Variants in COL6A3 observed in about 807,000 individuals in gnomAD.
COL6A3 encodes the protein collagen alpha-3(VI) chain.
COL6A3 carries 137 observed loss-of-function variants against 274.1 expected under a neutral mutation model. The ratio of observed to expected loss-of-function variants is 0.50; its 90% confidence interval spans 0.44 to 0.58. The LOEUF (loss-of-function observed/expected upper bound fraction) is 0.58, where lower values mean the gene tolerates loss of function less well. Ranked by LOEUF, COL6A3 falls within the 20% of genes least tolerant of loss-of-function variation. The probability of loss-of-function intolerance (pLI) is 0.00; values close to 1 mark genes in which losing one functional copy is unlikely to be tolerated. For missense variants in COL6A3, 3,950 were observed against 4,124.9 expected, an observed-to-expected ratio of 0.96 and a Z score of 1.16; for synonymous variants, 1,650 against 1,650.6, an observed-to-expected ratio of 1.00 and a Z score of 0.01.
In COL6A3 at chr2:237,368,632, T is replaced by C. The variant is rs1168164012; in HGVS notation, c.4831A>G (p.Asn1611Asp). ...GTGGCTGCGGAGGGTCCAAACGAGT[T>C]CATGATTCTTTCTTCTATGTTGGGA... is the stretch of plus-strand genomic sequence containing the variant. ...ELPNIEERIMNSFGPSAATPA... is the reference protein window; with the variant it reads ...ELPNIEERIMDSFGPSAATPA... Residue 1611 changes from asparagine to aspartate, a missense_variant, in exon 10 of 44, where the codon AAC becomes GAC. Coordinates refer to ENST00000295550, the MANE Select transcript of COL6A3 (RefSeq NM_004369.4). This position sits in a 1 kb window ranked among gnomAD's most constrained non-coding sequence, Gnocchi z 4.4. 1.2e-6 allele frequency: 2 copies of C among 1,614,064 alleles called. No homozygotes were observed. The highest frequency in any genetic ancestry group is 2.2e-5 in the South Asian group (2 of 91,062).
At chr2:237,386,353 G>T (rs902686444) in intron 4 of COL6A3, 1 of 152,018 alleles carries the variant, frequency 6.6e-6, no homozygotes, top group Non-Finnish European at 1.5e-5. Context: ...TCTCCAAAAT[G>T]GTTATTTTTA....
intron 39 of COL6A3, among the ~76,000 whole-genome samples, chr2:237,337,075 G>T (rs932850117): frequency 6.6e-6 from 1 of 151,640 alleles, no homozygotes; most frequent in Non-Finnish European, 1.5e-5. Flanking sequence ...ACAATTTCTT[G>T]ATCTATTACC....
In COL6A3 at chr2:237,357,059, G is replaced by A. The variant is rs1421013549; in HGVS notation, c.6591+279C>T. 39 of 540,414 alleles carry A rather than the reference G, an allele frequency of 7.2e-5. 1 individual carries two copies. The South Asian group carries it at 8.4e-4, about 12-fold the overall frequency. The allele number at this position is 540,414 out of a possible 1,614,324, so 33.5% of individuals were successfully genotyped here. A position where few individuals can be genotyped will look rare whatever the true frequency, so the allele number is the denominator to read the frequency against. ...TTTGGGTCTCTTAAATATTTAGTTG[G>A]ATCAAACCTGGCCCGATATTTGAAA... On this transcript the variant is annotated intron_variant, in intron 23 of 43. Coordinates refer to ENST00000295550, the MANE Select transcript of COL6A3 (RefSeq NM_004369.4).
At chr2:237,389,617 T>C (rs1440438511) in intron 3 of COL6A3, among the ~76,000 whole-genome samples, 4 of 152,212 alleles carry the variant, frequency 2.6e-5, no homozygotes, top group Non-Finnish European at 4.4e-5. Context: ...CTAGTGAAAT[T>C]ACATTCTTAC....
chr2:237,363,749 C>G (rs978800865), intron 13 of COL6A3, among the ~76,000 whole-genome samples: 1 of 152,146 alleles, frequency 6.6e-6, no homozygotes, highest in Non-Finnish European at 1.5e-5. Flanking sequence ...TAATAGCAGC[C>G]TCATCTCCAT....
rs1456484078 is a variant in COL6A3 at position 237,374,649 on chromosome 2, C to T, written c.3442G>A (p.Val1148Met). ...VLTADRSGDD[V>M]RNPSVVVKRG... ...TTCACGACCACGGAGGGGTTCCGCA[C>T]ATCATCCCCAGACCTGTCGGCCGTG... The change falls in exon 8 of 44, where the codon GTG becomes ATG. Residue 1148 changes from valine to methionine, a missense_variant. Transcript: ENST00000295550. The surrounding 1 kb of genome is among the most constrained non-coding windows in gnomAD (Gnocchi z 4.8). 8 of 1,614,176 alleles carry T rather than the reference C, an allele frequency of 5.0e-6. No individual in the cohort carries two copies. The highest frequency in any genetic ancestry group is 6.8e-6 in the Non-Finnish European group (8 of 1,180,052).
At chr2:237,341,698 TG>T (rs2076993503) in intron 37 of COL6A3, among the ~76,000 whole-genome samples, 1 of 152,204 alleles carries the variant, frequency 6.6e-6, no homozygotes, top group Non-Finnish European at 1.5e-5. Flanking sequence ...TACCATGTGC[TG>T]GCATTTTTAA....
At chr2:237,338,907 AT>A in intron 39 of COL6A3, 107 bp downstream of exon 39, 1 of 812,392 alleles carries the variant, frequency 1.2e-6, no homozygotes, top group Non-Finnish European at 2.1e-6. Flanking sequence ...GGGAAGTCAC[AT>A]TTTCTGGATT....
chr2:237,345,968 C>T (rs2077090174), intron 32 of COL6A3, among the ~76,000 whole-genome samples: 1 of 152,064 alleles, frequency 6.6e-6, no homozygotes, highest in Non-Finnish European at 1.5e-5. Flanking sequence ...TATTGAGGGA[C>T]AATATATGGA....
chr2:237,369,082 T>C lies in COL6A3; in HGVS notation c.4381A>G (p.Arg1461Gly). The change falls in exon 10 of 44, where the codon AGG becomes GGG. Residue 1461 changes from arginine to glycine, a missense_variant. Arg to Gly is a moderately radical substitution (Grantham distance 125). Transcript: ENST00000295550. Reference sequence around the variant, plus strand: ...CCGATGTTGAGTCTTCGAACAATCCTGCTAACAAAATCTCGAATATGTGCA... The same window carrying C: ...CCGATGTTGAGTCTTCGAACAATCCCGCTAACAAAATCTCGAATATGTGCA... ...GFAHIRDFVS[R>G]IVRRLNIGPS... 1 of 1,614,228 alleles carries C rather than the reference T, an allele frequency of 6.2e-7. No individual in the cohort carries two copies. The highest frequency in any genetic ancestry group is 1.3e-5 in the African/African-American group (1 of 75,046).
intron 30 of COL6A3, 65 bp from the exon 31 acceptor site, chr2:237,347,934 G>C: frequency 6.9e-7 from 1 of 1,458,124 alleles, no homozygotes; most frequent in Non-Finnish European, 9.5e-7. Flanking sequence ...GAGGGTCCGT[G>C]GGGTAAGACA....
intron 32 of COL6A3, 116 bp from the exon 33 acceptor site, chr2:237,345,329 T>C (rs1444830750): frequency 1.7e-5 from 16 of 927,022 alleles, no homozygotes; most frequent in Non-Finnish European, 2.7e-5. Flanking sequence ...ATAACCTTGA[T>C]TGTTTACAGC....
In COL6A3 at chr2:237,396,915, T is replaced by C. The variant is rs1574761043; in HGVS notation, c.-30-68A>G. 1.8e-6 allele frequency: 2 copies of C among 1,083,676 alleles called. 1 individual carries two copies. Among genetic ancestry groups the C allele is most frequent in the East Asian group, 5.0e-5 (2 of 39,614 alleles). The allele number at this position is 1,083,676 out of a possible 1,614,324, so 67.1% of individuals were successfully genotyped here. The stretch of plus-strand genomic sequence containing the variant: ...TCTCATTATGCAAAATCTCTCAAAA[T>C]CCCATGCTTTCTACGTCCTTTTTAG... On this transcript the variant is annotated intron_variant, in intron 1 of 43. Coordinates refer to ENST00000295550, the MANE Select transcript of COL6A3 (RefSeq NM_004369.4).
rs902668335 is a variant in COL6A3, at chr2:237,364,038, G to C, written c.5917+312C>G. ...TATTTTTATTAGTAACTAATTCCTA[G>C]TTTATGTGATGAAGTTAAATGAATC... is the stretch of plus-strand genomic sequence containing the variant. On this transcript the variant is annotated intron_variant, in intron 13 of 43. Transcript: ENST00000295550. The surrounding 1 kb of genome is among the most constrained non-coding windows in gnomAD (Gnocchi z 4.6). 9.9e-5 allele frequency among the ~76,000 whole-genome samples: 15 copies of C among 152,178 alleles called. No individual in the cohort carries two copies. Among genetic ancestry groups the C allele is most frequent in the African/African-American group, 3.6e-4 (15 of 41,442 alleles).
intron 8 of COL6A3, among the ~76,000 whole-genome samples, chr2:237,373,693 G>A (rs554830650): frequency 5.9e-5 from 9 of 151,496 alleles, no homozygotes; most frequent in East Asian, 3.9e-4. Context: ...TGCCTCCTTC[G>A]CCACTGTGAA....
At chr2:237,335,836 A>G (rs1274472266) in intron 40 of COL6A3, among the ~76,000 whole-genome samples, 2 of 152,160 alleles carry the variant, frequency 1.3e-5, no homozygotes, top group Non-Finnish European at 2.9e-5. Context: ...TTCAACACGG[A>G]AACTTTTCCC....
Position 237,366,965 on chromosome 2 carries a change from T to A in COL6A3, c.5222A>T (p.Gln1741Leu), listed in dbSNP as rs769177221. The A allele has an allele frequency of 9.3e-6, 15 of 1,614,254 alleles. No homozygotes were observed. The highest frequency in any genetic ancestry group is 1.3e-5 in the Non-Finnish European group (15 of 1,180,038). Residue 1741 changes from glutamine (Q) to leucine (L), a missense_variant, in exon 11 of 44, where the codon CAG becomes CTG. By Grantham distance (113) the Gln-to-Leu change is moderately radical. This residue lies in a region of COL6A3 where 632 missense variants were observed against 623.4 expected (regional missense o/e 1.01). Transcript: ENST00000295550. ...CACAAAGGCAATCTGAGGGACCCGC[T>A]GGTCCAGGCGGCTGCCTGCCTCAGG... is the stretch of plus-strand genomic sequence containing the variant. ...FVPEAGSRLD[Q>L]RVPQIAFVIT...
intron 3 of COL6A3, among the ~76,000 whole-genome samples, chr2:237,392,370 C>T (rs1460369185): frequency 6.6e-6 from 1 of 152,224 alleles, no homozygotes; most frequent in Non-Finnish European, 1.5e-5. Flanking sequence ...TCTGCAACTG[C>T]TCCAGCATTC....
Position 237,396,848 on chromosome 2 carries a change from C to A in COL6A3, c.-30-1G>T. The A allele has an allele frequency of 6.2e-7, 1 of 1,601,814 alleles. No individual in the cohort carries two copies. On this transcript the variant is annotated splice_acceptor_variant, in intron 1 of 43. Coordinates refer to ENST00000295550, the MANE Select transcript of COL6A3 (RefSeq NM_004369.4). LOFTEE classifies it low-confidence loss of function (5UTR_SPLICE). Reference sequence around the variant, plus strand: ...ATTTGTCTAAGCACCAAATATGAACCTAAAAGAGAAAACAGGGCAAAGGGA... The same window carrying A: ...ATTTGTCTAAGCACCAAATATGAACATAAAAGAGAAAACAGGGCAAAGGGA...
Sources: allele counts gnomAD v4.1 joint callset (sites outside exome capture counted in the v4.1 genomes callset), GRCh38; gene constraint gnomAD v4.1.1; regional missense constraint gnomAD v4.1.1; non-coding constraint Gnocchi (gnomAD v3.1); transcripts MANE v1.5; gene names NCBI Gene and HGNC (gene_info 2026-07-23, HGNC 2026-07-21).